GPM6A: variants seen among roughly 807,000 people sequenced by gnomAD.
GPM6A encodes the protein glycoprotein M6A.
In GPM6A, 7 loss-of-function variants were observed where a neutral mutation model predicts 32.1. The ratio of observed to expected loss-of-function variants is 0.22; its 90% CI spans 0.12 to 0.41. The LOEUF is 0.41. GPM6A is among the 10% of genes least tolerant of loss of function. GPM6A has a pLI of 1.00. For synonymous variants in GPM6A, 130 were observed against 123.4 expected (o/e 1.05, Z -0.35); for missense variants, 235 against 347.2 (o/e 0.68, Z 2.57).
At chr4:175,879,114 G>A (rs150953020) in intron 1 of GPM6A, among the ~76,000 whole-genome samples, 2,138 of 152,152 alleles carry the variant, frequency 0.014, 23 homozygotes, top group Middle Eastern at 0.031. Context: ...CTCCATCTGA[G>A]GCCCCCTCAG....
intron 4 of GPM6A, among the ~76,000 whole-genome samples, chr4:175,644,260 T>C (rs1250518964): frequency 6.6e-6 from 1 of 151,744 alleles, no homozygotes; most frequent in Non-Finnish European, 1.5e-5. Context: ...TAAAACTTTT[T>C]AATAGACTTT....
intron 1 of GPM6A, among the ~76,000 whole-genome samples, chr4:175,933,747 T>G (rs928876133): frequency 6.6e-6 from 1 of 152,188 alleles, no homozygotes; most frequent in African/African-American, 2.4e-5. Flanking sequence ...GGTTTCACCG[T>G]GCTAGCCAGG....
rs975139094 is a variant in GPM6A, at chr4:176,001,955, GTCTT to G, written c.-23+350_-23+353del. On this transcript the variant is annotated intron_variant, in intron 1 of 7. Transcript: ENST00000280187. ...CGCTATTCGGATCCTGGGTCTCTTA[GTCTT>G]TCTTTATTTCCCAAATACCGCCCCC... 3.0e-4 allele frequency among the ~76,000 whole-genome samples: 45 copies of G among 152,306 alleles called. 1 individual carries two copies. The highest frequency in any genetic ancestry group is 9.1e-4 in the Admixed American group (14 of 15,302).
chr4:175,657,010 C>A (rs1001181197), intron 3 of GPM6A, among the ~76,000 whole-genome samples: 4 of 152,050 alleles, frequency 2.6e-5, no homozygotes, highest in Non-Finnish European at 5.9e-5. Context: ...TCTTTATAAC[C>A]AAAAATATTC....
chr4:175,835,887 A>C (rs73871225), intron 1 of GPM6A, among the ~76,000 whole-genome samples: 108 of 151,370 alleles, frequency 7.1e-4, no homozygotes, highest in African/African-American at 2.4e-3. Context: ...CTTTCAGAAC[A>C]TTTACCCAAA....
upstream of GPM6A, among the ~76,000 whole-genome samples, chr4:175,814,048 C>G (rs779575142): frequency 3.9e-5 from 6 of 152,210 alleles, no homozygotes; most frequent in Non-Finnish European, 8.8e-5. Context: ...CAACTCATCC[C>G]TAGGCTGACA....
chr4:175,819,256 G>A (rs1202074896), intron 1 of GPM6A, among the ~76,000 whole-genome samples: 1 of 151,820 alleles, frequency 6.6e-6, no homozygotes, highest in East Asian at 1.9e-4. Flanking sequence ...GATTCTCTGT[G>A]GTCACAAAAA....
At chr4:175,897,066 A>T (rs925739325) in intron 1 of GPM6A, among the ~76,000 whole-genome samples, 1 of 152,186 alleles carries the variant, frequency 6.6e-6, no homozygotes, top group Non-Finnish European at 1.5e-5. Flanking sequence ...AAATCAAAAA[A>T]GTTAATACAG....
chr4:175,901,468 GAGAT>G (rs1308257063), intron 1 of GPM6A, among the ~76,000 whole-genome samples: 2 of 151,602 alleles, frequency 1.3e-5, no homozygotes, highest in African/African-American at 4.8e-5. Flanking sequence ...AAAATAAAAT[GAGAT>G]AGGATTATAA....
At chr4:175,943,609 A>C (rs1315592049) in intron 1 of GPM6A, among the ~76,000 whole-genome samples, 2 of 152,150 alleles carry the variant, frequency 1.3e-5, no homozygotes, top group Non-Finnish European at 2.9e-5. Flanking sequence ...AATTTTATCG[A>C]AGGCCTTTTC....
chr4:175,735,746 G>A (rs1289814382), intron 1 of GPM6A, among the ~76,000 whole-genome samples: 1 of 152,024 alleles, frequency 6.6e-6, no homozygotes, highest in Non-Finnish European at 1.5e-5. Flanking sequence ...ATTTTTAGTG[G>A]AGACTGGGTT....
intron 2 of GPM6A, among the ~76,000 whole-genome samples, chr4:175,697,250 T>C (rs1229866528): frequency 1.3e-5 from 2 of 152,176 alleles, no homozygotes; most frequent in Non-Finnish European, 2.9e-5. Flanking sequence ...TCTAATTTTC[T>C]AACAGTCTCC....
chr4:175,796,708 T>G (rs1734244552), intron 1 of GPM6A, among the ~76,000 whole-genome samples: 1 of 152,216 alleles, frequency 6.6e-6, no homozygotes, highest in South Asian at 2.1e-4. Flanking sequence ...GGAGTGATAT[T>G]TACATCTGGG....
chr4:175,664,976 G>C (rs1301999558), intron 3 of GPM6A, among the ~76,000 whole-genome samples: 1 of 152,128 alleles, frequency 6.6e-6, no homozygotes, highest in Non-Finnish European at 1.5e-5. Context: ...ACCAAATGCT[G>C]GAGGCAACTG....
At chr4:175,969,103 C>T (rs956094388) in intron 1 of GPM6A, among the ~76,000 whole-genome samples, 1 of 152,028 alleles carries the variant, frequency 6.6e-6, no homozygotes, top group Non-Finnish European at 1.5e-5. Flanking sequence ...GCTATCAAGC[C>T]ATGAAAAGAT....
At chr4:175,842,616 G>A (rs935204161) in intron 1 of GPM6A, among the ~76,000 whole-genome samples, 1 of 152,152 alleles carries the variant, frequency 6.6e-6, no homozygotes, top group Non-Finnish European at 1.5e-5. Flanking sequence ...CCTGAAGGCT[G>A]AGCCTAGGAG....
chr4:175,913,614 C>T (rs989733930), intron 1 of GPM6A, among the ~76,000 whole-genome samples: 2 of 152,184 alleles, frequency 1.3e-5, no homozygotes, highest in African/African-American at 4.8e-5. Flanking sequence ...GCCACATCAG[C>T]GAATTTGCTT....
chr4:175,654,029 T>C (rs1468084453), intron 3 of GPM6A, among the ~76,000 whole-genome samples: 1 of 152,140 alleles, frequency 6.6e-6, no homozygotes, highest in Non-Finnish European at 1.5e-5. Context: ...GCACCCAGGC[T>C]AAGTGACAAT....
At chr4:175,985,837 G>T (rs1326049815) in intron 1 of GPM6A, among the ~76,000 whole-genome samples, 1 of 151,310 alleles carries the variant, frequency 6.6e-6, no homozygotes. Context: ...ATGGAGTCTT[G>T]CTCTGTCACT....
Sources: gnomAD v4.1 joint callset for allele counts (sites outside exome capture counted in the v4.1 genomes callset) on GRCh38, gnomAD v4.1.1 for gene constraint, MANE v1.5 for transcripts, NCBI Gene and HGNC (gene_info 2026-07-23, HGNC 2026-07-21) for gene names.